Variants in IGF2BP2 observed in about 807,000 individuals in gnomAD.
IGF2BP2 encodes the protein insulin like growth factor 2 mRNA binding protein 2, also known as insulin-like growth factor 2 mRNA-binding protein 2.
A neutral mutation model predicts 75.8 loss-of-function variants in IGF2BP2; 17 were observed. That is an observed-to-expected ratio of 0.22 (90% CI 0.15 to 0.34). IGF2BP2 has a LOEUF of 0.34. IGF2BP2 is among the 10% of genes least tolerant of loss of function. The pLI is 1.00. For missense variants in IGF2BP2, 516 were observed against 772.4 expected, an observed-to-expected ratio of 0.67 and a Z score of 3.93; for synonymous variants, 288 against 295.6, an observed-to-expected ratio of 0.97 and a Z score of 0.26.
chr3:185,698,732 G>A (rs1015237347), intron 2 of IGF2BP2, among the ~76,000 whole-genome samples: 1 of 152,046 alleles, frequency 6.6e-6, no homozygotes, highest in Non-Finnish European at 1.5e-5. Context: ...GGGTTCAAGC[G>A]ATTCTCCTGC....
chr3:185,699,746 A>G (rs1292888792), intron 2 of IGF2BP2, among the ~76,000 whole-genome samples: 1 of 152,128 alleles, frequency 6.6e-6, no homozygotes, highest in African/African-American at 2.4e-5. Context: ...GAGCTTCCTC[A>G]CTCTATTTCA....
chr3:185,699,520 GAA>G (rs1358198606), intron 2 of IGF2BP2, among the ~76,000 whole-genome samples: 4 of 152,196 alleles, frequency 2.6e-5, no homozygotes, highest in African/African-American at 9.7e-5. Flanking sequence ...GTTATACTGT[GAA>G]AAGTCTCACC....
chr3:185,782,960 A>G (rs908332520), intron 2 of IGF2BP2, among the ~76,000 whole-genome samples: 1 of 152,214 alleles, frequency 6.6e-6, no homozygotes, highest in Non-Finnish European at 1.5e-5. Context: ...TGTAGTTGGG[A>G]TTAACCACCT....
chr3:185,699,377 G>A (rs1215242077), intron 2 of IGF2BP2, among the ~76,000 whole-genome samples: 2 of 152,088 alleles, frequency 1.3e-5, no homozygotes, highest in Admixed American at 6.6e-5. Context: ...GGACAGGTGA[G>A]GTCATATAGT....
At chr3:185,809,302 T>G (rs1489976161) in intron 2 of IGF2BP2, among the ~76,000 whole-genome samples, 1 of 152,220 alleles carries the variant, frequency 6.6e-6, no homozygotes, top group Non-Finnish European at 1.5e-5. Flanking sequence ...AAAGACTGAT[T>G]TGCAAAACCT....
intron 2 of IGF2BP2, among the ~76,000 whole-genome samples, chr3:185,718,683 T>TAAAAA (rs1560351743): frequency 6.8e-4 from 15 of 22,134 alleles, no homozygotes; most frequent in African/African-American, 2.6e-3. Context: ...AGACTCTGTC[T>TAAAAA]CAAAAAAAAA....
chr3:185,731,017 C>T (rs1728089940), intron 2 of IGF2BP2, among the ~76,000 whole-genome samples: 1 of 151,926 alleles, frequency 6.6e-6, no homozygotes, highest in Admixed American at 6.6e-5. Flanking sequence ...TTTAAATAAA[C>T]TGATGTTTAC....
intron 2 of IGF2BP2, among the ~76,000 whole-genome samples, chr3:185,789,243 C>A (rs1344694960): frequency 6.6e-6 from 1 of 152,160 alleles, no homozygotes; most frequent in African/African-American, 2.4e-5. Context: ...ATGAAAACTG[C>A]TGTATCTTAA....
intron 2 of IGF2BP2, among the ~76,000 whole-genome samples, chr3:185,752,529 A>G (rs1018757058): frequency 6.6e-6 from 1 of 152,206 alleles, no homozygotes; most frequent in Non-Finnish European, 1.5e-5. Context: ...ATGAAATTAA[A>G]TACAACCTGA....
chr3:185,673,105 T>C (rs1248606093), intron 9 of IGF2BP2, among the ~76,000 whole-genome samples: 3 of 152,220 alleles, frequency 2.0e-5, no homozygotes, highest in Non-Finnish European at 4.4e-5. Flanking sequence ...TTACCCCTCA[T>C]GCAGGAAGCT....
chr3:185,765,649 G>A (rs1012138172), intron 2 of IGF2BP2, among the ~76,000 whole-genome samples: 2 of 152,298 alleles, frequency 1.3e-5, no homozygotes, highest in South Asian at 2.1e-4. Flanking sequence ...AGAAGTGCTC[G>A]AGGACCAAGG....
At chr3:185,727,666 A>G (rs1727545792) in intron 2 of IGF2BP2, among the ~76,000 whole-genome samples, 1 of 152,198 alleles carries the variant, frequency 6.6e-6, no homozygotes, top group Admixed American at 6.5e-5. Flanking sequence ...TAATAAAACT[A>G]AAAATGCAAT....
chr3:185,665,828 G>A (rs1318736878), intron 10 of IGF2BP2, among the ~76,000 whole-genome samples: 1 of 152,122 alleles, frequency 6.6e-6, no homozygotes, highest in Non-Finnish European at 1.5e-5. Context: ...TTAGCCAGGT[G>A]TGGTGGCACA....
At chr3:185,648,876 T>C (rs928342837) in intron 14 of IGF2BP2, among the ~76,000 whole-genome samples, 1 of 152,156 alleles carries the variant, frequency 6.6e-6, no homozygotes, top group African/African-American at 2.4e-5. Context: ...AGCCAGAAGA[T>C]AGAGCCTGTG....
intron 2 of IGF2BP2, among the ~76,000 whole-genome samples, chr3:185,798,166 A>C (rs1243963254): frequency 6.6e-6 from 1 of 151,892 alleles, no homozygotes; most frequent in Non-Finnish European, 1.5e-5. Flanking sequence ...GCGCCACTGC[A>C]CTCCTGGGCA....
At chr3:185,665,158 AC>A (rs1717102322) in intron 10 of IGF2BP2, among the ~76,000 whole-genome samples, 1 of 136,162 alleles carries the variant, frequency 7.3e-6, no homozygotes, top group South Asian at 2.7e-4. Context: ...ACAGAGCAGG[AC>A]CCTGTTTCTT....
intron 2 of IGF2BP2, among the ~76,000 whole-genome samples, chr3:185,790,860 G>A (rs1439904486): frequency 6.6e-6 from 1 of 151,332 alleles, no homozygotes; most frequent in African/African-American, 2.4e-5. Context: ...AGGAAGAGAA[G>A]TAAGAATTAC....
chr3:185,814,730 G>A (rs1290457992), intron 2 of IGF2BP2, among the ~76,000 whole-genome samples: 1 of 152,054 alleles, frequency 6.6e-6, no homozygotes, highest in Non-Finnish European at 1.5e-5. Flanking sequence ...TTCATTGGTG[G>A]TTTAACTGTA....
chr3:185,820,231 CACAT>C (rs1223821362), intron 2 of IGF2BP2, among the ~76,000 whole-genome samples: 6 of 56,054 alleles, frequency 1.1e-4, no homozygotes, highest in Admixed American at 5.4e-4. Context: ...TGTATATATA[CACAT>C]ACACACACAC....
Sources: gnomAD v4.1 joint callset for allele counts (sites outside exome capture counted in the v4.1 genomes callset) on GRCh38, gnomAD v4.1.1 for gene constraint, MANE v1.5 for transcripts, NCBI Gene and HGNC (gene_info 2026-07-23, HGNC 2026-07-21) for gene names.